Variants in MRPL33 observed in about 807,000 individuals in gnomAD.
The protein encoded by MRPL33 is large ribosomal subunit protein bL33m.
In MRPL33, 5 loss-of-function variants were observed where a neutral mutation model predicts 10.1. The ratio of observed to expected loss-of-function variants is 0.49; its 90% CI spans 0.26 to 1.04. The LOEUF is 1.04. Ranked by LOEUF, MRPL33 falls within the 50% of genes least tolerant of loss-of-function variation. The pLI, the probability that MRPL33 is intolerant of heterozygous loss-of-function variation, is 0.14. For missense variants in MRPL33, 79 were observed against 78.1 expected (o/e 1.01, Z -0.04); for synonymous variants, 24 against 27.7 (o/e 0.87, Z 0.42).
intron 3 of MRPL33, among the ~76,000 whole-genome samples, chr2:27,777,614 C>T (rs1677201376): frequency 6.6e-6 from 1 of 152,088 alleles, no homozygotes; most frequent in African/African-American, 2.4e-5. Flanking sequence ...GTGTGGGCAC[C>T]TCATGATGTA....
chr2:27,777,829 C>T (rs1398049937), intron 3 of MRPL33, among the ~76,000 whole-genome samples: 2 of 152,158 alleles, frequency 1.3e-5, no homozygotes, highest in African/African-American at 4.8e-5. Flanking sequence ...CTCCAGATTG[C>T]TTTTCAGTGA....
intron 2 of MRPL33, chr2:27,772,901 A>T: frequency 1.9e-6 from 1 of 528,130 alleles, no homozygotes; most frequent in Admixed American, 3.8e-5. Context: ...TTCTGTGAGC[A>T]TTGAAATACT....
chr2:27,773,211 C>G (rs1029149120), intron 2 of MRPL33, among the ~76,000 whole-genome samples: 1 of 152,198 alleles, frequency 6.6e-6, no homozygotes, highest in Non-Finnish European at 1.5e-5. Flanking sequence ...AACTACCAAA[C>G]TTGTATTTCA....
Position 27,779,472 on chromosome 2 carries a change from G to T in MRPL33, c.188G>T (p.Arg63Leu). The change falls in exon 4 of 4, where the codon CGC becomes CTC. Residue 63 changes from arginine (R) to leucine (L), a missense_variant. By Grantham distance (102) the Arg-to-Leu change is moderately radical. Coordinates refer to ENST00000296102, the MANE Select transcript of MRPL33 (RefSeq NM_004891.4). ...CTCTTCGTGGAAAAGAAAAAAATACGCTCCCTTTAAACGGTGGATTGAAAA... is the reference window on the plus strand; with the variant it reads ...CTCTTCGTGGAAAAGAAAAAAATACTCTCCCTTTAAACGGTGGATTGAAAA... ...RVLFVEKKKIRSL is the reference protein window; with the variant it reads ...RVLFVEKKKILSL 1 of 1,611,720 alleles carries T rather than the reference G, an allele frequency of 6.2e-7. No homozygotes were observed. The highest frequency in any genetic ancestry group is 1.7e-5 in the Admixed American group (1 of 59,552).
intron 3 of MRPL33, among the ~76,000 whole-genome samples, chr2:27,776,721 G>A (rs1296615458): frequency 1.6e-4 from 25 of 152,240 alleles, no homozygotes; most frequent in Non-Finnish European, 1.5e-5. Context: ...AATATAGACT[G>A]TAATTGAAGC....
chr2:27,772,589 C>A, intron 1 of MRPL33, 85 bp from the exon 2 acceptor site: 2 of 1,095,200 alleles, frequency 1.8e-6, no homozygotes, highest in Non-Finnish European at 2.6e-6. Context: ...TTGGTTATTA[C>A]TGATATTTAT....
chr2:27,774,551 T>C lies in MRPL33; in HGVS notation c.148+21T>C, dbSNP rs372875542. 5.0e-6 allele frequency: 8 copies of C among 1,596,768 alleles called. No homozygotes were observed. The African/African-American group carries it at 9.4e-5, about 19-fold the overall frequency. ...AGTTGGTAAGATCTGGGGAGGTTAA[T>C]GCTTCCAAGGCCTGTTGCCCCCTTT... On this transcript the variant is annotated intron_variant, in intron 3 of 3. Coordinates refer to ENST00000296102, the MANE Select transcript of MRPL33 (RefSeq NM_004891.4).
intron 3 of MRPL33, among the ~76,000 whole-genome samples, chr2:27,776,235 A>G (rs1677146879): frequency 6.6e-6 from 1 of 152,258 alleles, no homozygotes; most frequent in African/African-American, 2.4e-5. Flanking sequence ...TGACAGCACA[A>G]CTTTGTCTTT....
rs764020694 is a variant in MRPL33 at position 27,779,503 on chromosome 2, T to G, written c.*21T>G. Reference sequence around the variant, plus strand: ...TTTAAACGGTGGATTGAAAATGACTTTGATTTATAAAGAGAAGACTGAGGG... The same window carrying G: ...TTTAAACGGTGGATTGAAAATGACTGTGATTTATAAAGAGAAGACTGAGGG... On this transcript the variant is annotated 3_prime_UTR_variant, in exon 4 of 4. Transcript: ENST00000296102. 19 of 1,613,318 alleles carry G rather than the reference T, an allele frequency of 1.2e-5. No homozygotes were observed. The highest frequency in any genetic ancestry group is 1.6e-5 in the Non-Finnish European group (19 of 1,179,786).
intron 3 of MRPL33, 36 bp downstream of exon 3, chr2:27,774,566 T>G: frequency 2.6e-6 from 4 of 1,525,496 alleles, no homozygotes; most frequent in Non-Finnish European, 2.7e-6. Flanking sequence ...CCAAGGCCTG[T>G]TGCCCCCTTT....
intron 2 of MRPL33, 42 bp from the exon 3 acceptor site, chr2:27,774,382 A>T (rs758990641): frequency 1.8e-5 from 27 of 1,541,440 alleles, no homozygotes; most frequent in Admixed American, 3.3e-5. Context: ...ATTTTAGTTT[A>T]TTTCGTCAGC....
chr2:27,774,486 A>G lies in MRPL33; in HGVS notation c.104A>G (p.Asn35Ser). 1 of 1,614,042 alleles carries G rather than the reference A, an allele frequency of 6.2e-7. No homozygotes were observed. The highest frequency in any genetic ancestry group is 8.5e-7 in the Non-Finnish European group (1 of 1,179,942). The change falls in exon 3 of 4, where the codon AAC becomes AGC. Residue 35 changes from asparagine to serine, a missense_variant. Asn to Ser is a conservative substitution (Grantham distance 46). Transcript: ENST00000296102. ...GGTTTCTGCTTCAACACCAAGAGAAACCGACTGCGGGAAAAACTGACTCTT... is the reference window on the plus strand; with the variant it reads ...GGTTTCTGCTTCAACACCAAGAGAAGCCGACTGCGGGAAAAACTGACTCTT... ...GTGFCFNTKR[N>S]RLREKLTLLH...
intron 3 of MRPL33, among the ~76,000 whole-genome samples, chr2:27,777,506 G>C (rs1171804883): frequency 6.7e-6 from 1 of 148,882 alleles, no homozygotes; most frequent in Non-Finnish European, 1.5e-5. Flanking sequence ...ATGCTGATCT[G>C]TCTTCAGGGA....
chr2:27,774,334 C>G (rs1001938869), intron 2 of MRPL33, 90 bp from the exon 3 acceptor site: 17 of 1,017,596 alleles, frequency 1.7e-5, no homozygotes, highest in Middle Eastern at 2.1e-4. Context: ...TAATATTACC[C>G]TACAGAGTTC....
intron 1 of MRPL33, chr2:27,772,189 G>C: frequency 3.6e-6 from 1 of 277,128 alleles, no homozygotes; most frequent in South Asian, 8.9e-5. Context: ...TGAGTAATGC[G>C]GCAGGGCAGT....
At chr2:27,778,442 T>TGTGTGTGTGTGGGTGTGTGG (rs1677215750) in intron 3 of MRPL33, among the ~76,000 whole-genome samples, 2 of 151,918 alleles carry the variant, frequency 1.3e-5, no homozygotes, top group Admixed American at 6.6e-5. Context: ...GGTAGGGGTG[T>TGTGTGTGTGTGGGTGTGTGG]GTGTGTGTGT....
At chr2:27,773,566 C>T (rs1385914146) in intron 2 of MRPL33, among the ~76,000 whole-genome samples, 1 of 152,220 alleles carries the variant, frequency 6.6e-6, no homozygotes, top group African/African-American at 2.4e-5. Flanking sequence ...ACCAACTCAC[C>T]TTCCATACAG....
chr2:27,772,557 A>T (rs561482295), intron 1 of MRPL33, 117 bp from the exon 2 acceptor site: 4 of 767,800 alleles, frequency 5.2e-6, no homozygotes, highest in Admixed American at 2.6e-5. Flanking sequence ...ACCTCATGGC[A>T]TATTTCATAA....
At chr2:27,779,295 C>T in intron 3 of MRPL33, 138 bp from the exon 4 acceptor site, 7 of 1,088,480 alleles carry the variant, frequency 6.4e-6, no homozygotes, top group Non-Finnish European at 8.8e-6. Flanking sequence ...ACTGAGTTTG[C>T]AAATCAGCTC....
Sources: allele counts gnomAD v4.1 joint callset (sites outside exome capture counted in the v4.1 genomes callset), GRCh38; gene constraint gnomAD v4.1.1; transcripts MANE v1.5; gene names NCBI Gene and HGNC (gene_info 2026-07-23, HGNC 2026-07-21).